The following ADIPOR2 variants were observed in gnomAD, a reference collection of about 807,000 sequenced individuals.
ADIPOR2 encodes adiponectin receptor protein 2.
A neutral mutation model predicts 40.9 loss-of-function variants in ADIPOR2; 18 were observed. That is an observed-to-expected ratio of 0.44 (90% confidence interval 0.30 to 0.65). The LOEUF (loss-of-function observed/expected upper bound fraction) is 0.65, where lower values mean the gene tolerates loss of function less well. ADIPOR2 is among the 30% of genes least tolerant of loss of function. The pLI is 0.09. For synonymous variants in ADIPOR2, 165 were observed against 166.4 expected, an observed-to-expected ratio of 0.99 and a Z score of 0.06; for missense variants, 283 against 479.2, an observed-to-expected ratio of 0.59 and a Z score of 3.82.
intron 1 of ADIPOR2, among the ~76,000 whole-genome samples, chr12:1,707,326 A>C (rs765289361): frequency 6.6e-6 from 1 of 152,198 alleles, no homozygotes; most frequent in Non-Finnish European, 1.5e-5. Context: ...CAGTTTCTTA[A>C]TAAGTTAAAC....
intron 3 of ADIPOR2, among the ~76,000 whole-genome samples, chr12:1,775,990 G>A (rs138727875): frequency 3.0e-4 from 46 of 152,290 alleles, no homozygotes; most frequent in African/African-American, 1.0e-3. Flanking sequence ...TTGTATGTTA[G>A]AAGCAAGCAT....
intron 1 of ADIPOR2, among the ~76,000 whole-genome samples, chr12:1,753,543 A>G (rs1326952749): frequency 6.6e-6 from 1 of 152,244 alleles, no homozygotes; most frequent in African/African-American, 2.4e-5. Context: ...CTTCCAGGGT[A>G]GTCTAGTTAG....
At chr12:1,734,305 A>G (rs2094726182) in intron 1 of ADIPOR2, among the ~76,000 whole-genome samples, 1 of 152,158 alleles carries the variant, frequency 6.6e-6, no homozygotes, top group South Asian at 2.1e-4. Context: ...TTGCCATTCT[A>G]ACTGGTGTGA....
chr12:1,754,323 T>C lies in ADIPOR2; in HGVS notation c.-21T>C. 2 of 1,569,576 alleles carry C rather than the reference T, an allele frequency of 1.3e-6. No homozygotes were observed. Among genetic ancestry groups the C allele is most frequent in the East Asian group, 2.3e-5 (1 of 43,336 alleles). On this transcript the variant is annotated 5_prime_UTR_variant, in exon 2 of 8. Transcript: ENST00000357103. ...GGGGACAGAAAGACAGATCTATTTG[T>C]AAGAAAGGCTTGGGTATCCCATGAA...
intron 1 of ADIPOR2, among the ~76,000 whole-genome samples, chr12:1,735,386 GCTCT>G (rs1274761527): frequency 6.6e-6 from 1 of 152,044 alleles, no homozygotes; most frequent in African/African-American, 2.4e-5. Context: ...TCATGATTTG[GCTCT>G]CTGTTTGTCT....
At chr12:1,777,378 CT>C (rs1207963038) in intron 3 of ADIPOR2, among the ~76,000 whole-genome samples, 6 of 136,698 alleles carry the variant, frequency 4.4e-5, no homozygotes, top group African/African-American at 1.6e-4. Context: ...TATATTTTTT[CT>C]TTCTTTTTTT....
At chr12:1,757,577 G>A in intron 2 of ADIPOR2, 1 of 1,078,866 alleles carries the variant, frequency 9.3e-7, no homozygotes, top group Non-Finnish European at 1.4e-6. Context: ...GGGAATCAGG[G>A]TAGCGGATGG....
In ADIPOR2 at chr12:1,723,460, A is replaced by C. The variant is rs867081126; in HGVS notation, c.-86-30798A>C. Among the ~76,000 whole-genome samples, 4 of 76,464 alleles carry C rather than the reference A, an allele frequency of 5.2e-5. No homozygotes were observed. The East Asian group carries it at 1.4e-3, about 27-fold the overall frequency. 50.2% of individuals were successfully genotyped at this position (76,464 alleles called of 152,430 possible). ...GCCAACATAGTGAAACCCCGTCTCT[A>C]CTGAAAAAAAAAAAAAAAAAAAAAA... is the stretch of plus-strand genomic sequence containing the variant. On this transcript the variant is annotated intron_variant, in intron 1 of 7. Transcript: ENST00000357103.
intron 1 of ADIPOR2, among the ~76,000 whole-genome samples, chr12:1,711,780 G>A (rs1043035644): frequency 6.6e-6 from 1 of 151,772 alleles, no homozygotes; most frequent in Admixed American, 6.6e-5. Flanking sequence ...TTATGCTGCT[G>A]TTCTCCCCTC....
At chr12:1,757,409 A>G in intron 2 of ADIPOR2, 1 of 727,280 alleles carries the variant, frequency 1.4e-6, no homozygotes, top group Non-Finnish European at 2.5e-6. Flanking sequence ...GAACCACATC[A>G]AAAGATCCAG....
intron 1 of ADIPOR2, among the ~76,000 whole-genome samples, chr12:1,706,741 C>G (rs570394677): frequency 1.7e-3 from 263 of 152,266 alleles, no homozygotes; most frequent in Middle Eastern, 3.4e-3. Flanking sequence ...AAACCTTCCT[C>G]GTGTCCCTCA....
At chr12:1,761,862 A>C (rs775382273) in intron 2 of ADIPOR2, among the ~76,000 whole-genome samples, 3 of 152,150 alleles carry the variant, frequency 2.0e-5, no homozygotes, top group Non-Finnish European at 4.4e-5. Context: ...TCCTAGAGAG[A>C]GCTCTTAAAA....
Position 1,786,169 on chromosome 12 carries a change from A to C in ADIPOR2, c.*97A>C. On this transcript the variant is annotated 3_prime_UTR_variant, in exon 8 of 8. Coordinates refer to ENST00000357103, the MANE Select transcript of ADIPOR2 (RefSeq NM_024551.3). ...CTGATGCCAGTACCAGAGGAGCCCC[A>C]AAACTTTGACAGCCTCGTGGGCTTT... The C allele has an allele frequency of 1.3e-6, 2 of 1,500,864 alleles. No individual in the cohort carries two copies. The highest frequency in any genetic ancestry group is 1.8e-6 in the Non-Finnish European group (2 of 1,117,344). 93.0% of individuals were successfully genotyped at this position (1,500,864 alleles called of 1,614,324 possible). A position where few individuals can be genotyped will look rare whatever the true frequency, so the allele number is the denominator to read the frequency against.
intron 1 of ADIPOR2, among the ~76,000 whole-genome samples, chr12:1,749,734 G>A (rs985552965): frequency 6.6e-6 from 1 of 151,942 alleles, no homozygotes; most frequent in Non-Finnish European, 1.5e-5. Context: ...ATCTTGATAG[G>A]AATTGTATTA....
In ADIPOR2 at chr12:1,780,579, TC is replaced by T; in HGVS notation, c.593del (p.Ser198TyrfsTer29). The part of the protein sequence containing the change: ...FLGAILCLSF[S>X]WLFHTVYCHS... ...AGGAGCCATTCTCTGCCTTTCTTTT[TC>T]ATGGCTCTTCCACACAGTCTACTGC... On this transcript the variant is annotated frameshift_variant, in exon 5 of 8. Transcript: ENST00000357103. LOFTEE classifies it high-confidence loss of function. 6.2e-7 allele frequency: 1 copy of T among 1,613,814 alleles called. No individual in the cohort carries two copies. The highest frequency in any genetic ancestry group is 8.5e-7 in the Non-Finnish European group (1 of 1,179,880).
intron 2 of ADIPOR2, among the ~76,000 whole-genome samples, chr12:1,756,366 G>T (rs1321763906): frequency 6.6e-6 from 1 of 151,598 alleles, no homozygotes; most frequent in African/African-American, 2.4e-5. Flanking sequence ...GGCCAGGCTG[G>T]TCTTAAACTC....
At chr12:1,701,155 G>A (rs1443767955) in intron 1 of ADIPOR2, among the ~76,000 whole-genome samples, 2 of 136,508 alleles carry the variant, frequency 1.5e-5, no homozygotes, top group Non-Finnish European at 3.1e-5. Flanking sequence ...TTGGAAACAG[G>A]GTCTCACTCT....
At chr12:1,699,465 T>TAAAAC (rs1363714926) in intron 1 of ADIPOR2, among the ~76,000 whole-genome samples, 6 of 151,866 alleles carry the variant, frequency 4.0e-5, no homozygotes, top group African/African-American at 7.3e-5. Context: ...CTGAAAATAC[T>TAAAAC]AAAACAAAAC....
At position 1,786,357 on chromosome 12, in the gene ADIPOR2, G is replaced by C; in HGVS notation, c.*285G>C. On this transcript the variant is annotated 3_prime_UTR_variant, in exon 8 of 8. Transcript: ENST00000357103. ...GATTGCGGGCTCTGCAAGACCCTTGGCAAACTGGCTTCTGATCCATATCAT... is the reference window on the plus strand; with the variant it reads ...GATTGCGGGCTCTGCAAGACCCTTGCCAAACTGGCTTCTGATCCATATCAT... The C allele has an allele frequency of 5.9e-6, 2 of 340,448 alleles. No homozygotes were observed. The highest frequency in any genetic ancestry group is 1.1e-5 in the Non-Finnish European group (2 of 186,968). The allele number at this position is 340,448 out of a possible 1,614,324, so 21.1% of individuals were successfully genotyped here. A position where few individuals can be genotyped will look rare whatever the true frequency, so the allele number is the denominator to read the frequency against.
Sources: allele counts gnomAD v4.1 joint callset (sites outside exome capture counted in the v4.1 genomes callset), GRCh38; gene constraint gnomAD v4.1.1; transcripts MANE v1.5; gene names NCBI Gene and HGNC (gene_info 2026-07-23, HGNC 2026-07-21).